Variants in RAB7A observed in about 807,000 individuals in gnomAD.
RAB7A encodes the protein RAB7A, member RAS oncogene family, also known as ras-related protein Rab-7a.
RAB7A carries 2 observed loss-of-function variants against 24.5 expected under a neutral mutation model. The observed-to-expected ratio is 0.08, with a 90% CI of 0.03 to 0.26. RAB7A has a LOEUF of 0.26. Ranked by LOEUF, RAB7A falls within the 10% of genes least tolerant of loss-of-function variation. The probability of loss-of-function intolerance (pLI) is 1.00; values close to 1 mark genes in which losing one functional copy is unlikely to be tolerated. For synonymous variants in RAB7A, 100 were observed against 95.9 expected (o/e 1.04, Z -0.25); for missense variants, 118 against 255.7 (o/e 0.46, Z 3.67).
At chr3:128,739,714 A>T (rs1243621141) in intron 1 of RAB7A, among the ~76,000 whole-genome samples, 1 of 152,198 alleles carries the variant, frequency 6.6e-6, no homozygotes, top group Admixed American at 6.5e-5. Context: ...ACTGTATAAT[A>T]TTGATCATAA....
At chr3:128,736,597 C>T (rs987473238) in intron 1 of RAB7A, among the ~76,000 whole-genome samples, 1 of 152,076 alleles carries the variant, frequency 6.6e-6, no homozygotes, top group East Asian at 1.9e-4. Context: ...CTGTTGGAGG[C>T]AGTTAAATTC....
At chr3:128,728,529 G>A (rs116142295) in intron 1 of RAB7A, among the ~76,000 whole-genome samples, 1 of 152,098 alleles carries the variant, frequency 6.6e-6, no homozygotes, top group Non-Finnish European at 1.5e-5. Context: ...ATAGCGCGAT[G>A]TCGGCTCACT....
chr3:128,740,049 A>G (rs1214362727), intron 1 of RAB7A, among the ~76,000 whole-genome samples: 2 of 151,850 alleles, frequency 1.3e-5, no homozygotes, highest in Non-Finnish European at 2.9e-5. Context: ...CTAGACAACA[A>G]GAGCGAAACT....
chr3:128,742,144 G>C (rs1435345285), intron 1 of RAB7A, among the ~76,000 whole-genome samples: 3 of 152,172 alleles, frequency 2.0e-5, no homozygotes, highest in Admixed American at 6.5e-5. Context: ...TGAAGCTGCA[G>C]ACCTCCACGG....
intron 1 of RAB7A, among the ~76,000 whole-genome samples, chr3:128,761,709 G>A (rs936114146): frequency 6.6e-6 from 1 of 152,232 alleles, no homozygotes; most frequent in African/African-American, 2.4e-5. Flanking sequence ...TAGAGCAGCA[G>A]CTGTCAACCT....
At chr3:128,727,281 C>T (rs896795302) in intron 1 of RAB7A, among the ~76,000 whole-genome samples, 1 of 152,186 alleles carries the variant, frequency 6.6e-6, no homozygotes. Context: ...AGCCATTTGG[C>T]CAAGGTCACA....
chr3:128,791,252 C>A (rs1395443146), intron 1 of RAB7A, among the ~76,000 whole-genome samples: 1 of 152,102 alleles, frequency 6.6e-6, no homozygotes, highest in Admixed American at 6.5e-5. Flanking sequence ...AGCGATTCTC[C>A]TGCTTCAGCC....
intron 1 of RAB7A, among the ~76,000 whole-genome samples, chr3:128,772,792 G>C (rs578110895): frequency 6.6e-6 from 1 of 152,368 alleles, no homozygotes; most frequent in South Asian, 2.1e-4. Context: ...GGGTTTCGCT[G>C]TGTTGGCCGG....
chr3:128,743,649 C>A (rs1387720581), intron 1 of RAB7A, among the ~76,000 whole-genome samples: 2 of 152,168 alleles, frequency 1.3e-5, no homozygotes, highest in Non-Finnish European at 2.9e-5. Flanking sequence ...GAAATACAGT[C>A]TCTGAACAAA....
At chr3:128,751,114 CAGG>C (rs2070676652) in intron 1 of RAB7A, among the ~76,000 whole-genome samples, 1 of 152,198 alleles carries the variant, frequency 6.6e-6, no homozygotes, top group African/African-American at 2.4e-5. Context: ...AAGTTTACTG[CAGG>C]GGCAGGACTC....
chr3:128,813,757 G>GCTTA lies in RAB7A; in HGVS notation c.*336_*339dup. The stretch of plus-strand genomic sequence containing the variant: ...TTCTGATATGGAGTTGGCATTGGAA[G>GCTTA]CTTATTCTTTTTGTTCACTGGAGAG... On this transcript the variant is annotated 3_prime_UTR_variant, in exon 6 of 6. Transcript: ENST00000265062. 2.6e-6 allele frequency: 1 copy of GCTTA among 378,722 alleles called. No individual in the cohort carries two copies. Among genetic ancestry groups the GCTTA allele is most frequent in the South Asian group, 2.3e-5 (1 of 43,454 alleles). 23.5% of individuals were successfully genotyped at this position (378,722 alleles called of 1,614,324 possible).
chr3:128,729,569 CAAA>C (rs71153142), intron 1 of RAB7A, among the ~76,000 whole-genome samples: 35 of 97,128 alleles, frequency 3.6e-4, no homozygotes, highest in Admixed American at 4.0e-4. Context: ...GACTTCTTCT[CAAA>C]AAAAAAAAAA....
intron 1 of RAB7A, among the ~76,000 whole-genome samples, chr3:128,760,885 A>G (rs1231010764): frequency 1.3e-5 from 2 of 152,220 alleles, no homozygotes; most frequent in Non-Finnish European, 2.9e-5. Context: ...AGACCTATAT[A>G]AAGTGTTTTA....
intron 1 of RAB7A, among the ~76,000 whole-genome samples, chr3:128,777,255 A>G (rs1273095704): frequency 6.6e-6 from 1 of 152,006 alleles, no homozygotes; most frequent in Non-Finnish European, 1.5e-5. Flanking sequence ...GTACAGTTAT[A>G]TGATCACTGC....
intron 1 of RAB7A, chr3:128,764,783 C>T: frequency 2.4e-6 from 2 of 846,198 alleles, no homozygotes; most frequent in East Asian, 2.4e-5. Context: ...AAGATTTGGC[C>T]ACCACGATAG....
intron 1 of RAB7A, among the ~76,000 whole-genome samples, chr3:128,769,314 G>T (rs1683519699): frequency 6.6e-6 from 1 of 152,068 alleles, no homozygotes; most frequent in Admixed American, 6.5e-5. Context: ...ACACAGCATG[G>T]TCATTTAAAA....
intron 1 of RAB7A, among the ~76,000 whole-genome samples, chr3:128,740,841 CAGGAAGCCATGATAA>C (rs2070545169): frequency 8.0e-6 from 1 of 124,930 alleles, no homozygotes; most frequent in Admixed American, 1.0e-4. Context: ...GTTGAGGCTA[CAGGAAGCCATGATAA>C]TTCCACTGTA....
intron 1 of RAB7A, among the ~76,000 whole-genome samples, chr3:128,775,748 T>C (rs1576289845): frequency 6.6e-6 from 1 of 152,338 alleles, no homozygotes; most frequent in Middle Eastern, 3.4e-3. Context: ...AATTCTTTTT[T>C]TTTAACTTGA....
At position 128,813,797 on chromosome 3, in the gene RAB7A, AC is replaced by A. The variant is rs1252794513; in HGVS notation, c.*376del. 39 of 327,210 alleles carry A rather than the reference AC, an allele frequency of 1.2e-4. No individual in the cohort carries two copies. In the East Asian group the frequency reaches 3.0e-3, roughly 25 times the overall value. The allele number at this position is 327,210 out of a possible 1,614,324, so 20.3% of individuals were successfully genotyped here. On this transcript the variant is annotated 3_prime_UTR_variant, in exon 6 of 6. Transcript: ENST00000265062. ...TCACTGGAGAGAGAGAGAACTGTTTACAGTTAATCTGTGTCTAATTATCTGA... is the reference window on the plus strand; with the variant it reads ...TCACTGGAGAGAGAGAGAACTGTTTAAGTTAATCTGTGTCTAATTATCTGA...
Sources: gnomAD v4.1 joint callset for allele counts (sites outside exome capture counted in the v4.1 genomes callset) on GRCh38, gnomAD v4.1.1 for gene constraint, MANE v1.5 for transcripts, NCBI Gene and HGNC (gene_info 2026-07-23, HGNC 2026-07-21) for gene names.